CCDC91: variants seen among roughly 807,000 people sequenced by gnomAD.
CCDC91 encodes the protein coiled-coil domain containing 91.
In CCDC91, 48 loss-of-function variants were observed where a neutral mutation model predicts 63.2. The ratio of observed to expected loss-of-function variants is 0.76; its 90% CI spans 0.60 to 0.97. The LOEUF (loss-of-function observed/expected upper bound fraction) is 0.97, where lower values mean the gene tolerates loss of function less well. CCDC91 is among the 50% of genes least tolerant of loss of function. The pLI is 0.00. For synonymous variants in CCDC91, 167 were observed against 165.8 expected, an observed-to-expected ratio of 1.01 and a Z score of -0.06; for missense variants, 500 against 494.6, an observed-to-expected ratio of 1.01 and a Z score of -0.10.
chr12:28,204,973 G>A (rs1042636627), intron 1 of CCDC91, among the ~76,000 whole-genome samples: 1 of 152,174 alleles, frequency 6.6e-6, no homozygotes, highest in Non-Finnish European at 1.5e-5. Flanking sequence ...TATTTACTCA[G>A]TAGAGGAACA....
intron 7 of CCDC91, among the ~76,000 whole-genome samples, chr12:28,371,095 A>AT (rs1298366563): frequency 6.6e-6 from 1 of 151,472 alleles, no homozygotes; most frequent in East Asian, 1.9e-4. Context: ...TATAAAGTCT[A>AT]TTTTTTTCTG....
intron 12 of CCDC91, among the ~76,000 whole-genome samples, chr12:28,511,406 T>G (rs1404407477): frequency 6.6e-6 from 1 of 151,878 alleles, no homozygotes; most frequent in Non-Finnish European, 1.5e-5. Context: ...TAACTGCATA[T>G]TATCCTCCCT....
At chr12:28,338,258 C>CTTTT (rs71039893) in intron 6 of CCDC91, among the ~76,000 whole-genome samples, 1 of 143,808 alleles carries the variant, frequency 7.0e-6, no homozygotes, top group Non-Finnish European at 1.5e-5. Flanking sequence ...CCTTATGGAT[C>CTTTT]TTTTTTTTTT....
chr12:28,476,171 T>C (rs1308191389), intron 11 of CCDC91, among the ~76,000 whole-genome samples: 1 of 152,108 alleles, frequency 6.6e-6, no homozygotes, highest in African/African-American at 2.4e-5. Flanking sequence ...TAAATATACA[T>C]TCTTCTCAGC....
At position 28,265,348 on chromosome 12, in the gene CCDC91, A is replaced by G. The variant is rs1396300497; in HGVS notation, c.109+5906A>G. Among the ~76,000 whole-genome samples, 7 of 152,154 alleles carry G rather than the reference A, an allele frequency of 4.6e-5. No individual in the cohort carries two copies. The East Asian group carries it at 1.3e-3, about 29-fold the overall frequency. On this transcript the variant is annotated intron_variant, in intron 3 of 12. Coordinates refer to ENST00000536442, the MANE Select transcript of CCDC91 (RefSeq NM_018318.5). Reference sequence around the variant, plus strand: ...AACAGCTTATATAGAGGGCAAACTAAACTGTCACAAGCTGACCCTTTAGAA... The same window carrying G: ...AACAGCTTATATAGAGGGCAAACTAGACTGTCACAAGCTGACCCTTTAGAA...
intron 6 of CCDC91, among the ~76,000 whole-genome samples, chr12:28,326,689 G>A (rs1349948402): frequency 1.3e-5 from 2 of 151,586 alleles, no homozygotes; most frequent in East Asian, 3.9e-4. Context: ...GCTATTTTCT[G>A]AGACAACGTT....
rs1943092208 is a variant in CCDC91 at position 28,209,615 on chromosome 12, G to A, written c.-15+18974G>A. ...CTGGCTCATTTTTGTATTTTTAGTA[G>A]AGACAGGGTTTCGTCATGTTGACCA... On this transcript the variant is annotated intron_variant, in intron 1 of 12. Transcript: ENST00000536442. Among the ~76,000 whole-genome samples the A allele has an allele frequency of 2.6e-5, 4 of 152,146 alleles. 1 individual carries two copies. In the South Asian group the frequency reaches 8.3e-4, roughly 32 times the overall value.
chr12:28,428,102 T>C (rs982504308), intron 8 of CCDC91, among the ~76,000 whole-genome samples: 2 of 152,174 alleles, frequency 1.3e-5, no homozygotes, highest in African/African-American at 4.8e-5. Flanking sequence ...CTTTTATTGA[T>C]ATAAGTACTT....
chr12:28,203,879 G>C (rs1942649896), intron 1 of CCDC91, among the ~76,000 whole-genome samples: 1 of 152,044 alleles, frequency 6.6e-6, no homozygotes, highest in East Asian at 1.9e-4. Context: ...TTGCCAAAAT[G>C]ATTATACTGA....
At chr12:28,535,963 A>G (rs550016423) in intron 12 of CCDC91, among the ~76,000 whole-genome samples, 144 of 151,982 alleles carry the variant, frequency 9.5e-4, no homozygotes, top group African/African-American at 3.4e-3. Context: ...CGGGAGGCGT[A>G]GCTTGCAGTC....
intron 12 of CCDC91, among the ~76,000 whole-genome samples, chr12:28,502,259 A>G (rs1312278251): frequency 6.6e-6 from 1 of 151,962 alleles, no homozygotes; most frequent in African/African-American, 2.4e-5. Context: ...TCAATGTACA[A>G]AAATCACAAG....
At chr12:28,214,031 A>G (rs2135555014) in intron 1 of CCDC91, among the ~76,000 whole-genome samples, 1 of 152,130 alleles carries the variant, frequency 6.6e-6, no homozygotes, top group East Asian at 1.9e-4. Context: ...GGCACCAGTC[A>G]TTATTATCTC....
intron 6 of CCDC91, among the ~76,000 whole-genome samples, chr12:28,317,477 T>C (rs1204855915): frequency 6.6e-6 from 1 of 152,020 alleles, no homozygotes; most frequent in Non-Finnish European, 1.5e-5. Flanking sequence ...AAGACCATGT[T>C]TTCTTTATTT....
intron 12 of CCDC91, among the ~76,000 whole-genome samples, chr12:28,522,075 T>C (rs549856794): frequency 3.3e-5 from 5 of 152,206 alleles, no homozygotes; most frequent in Admixed American, 6.5e-5. Flanking sequence ...ATCAGGATGA[T>C]GCTGGCCTCA....
At chr12:28,385,133 G>T (rs181241420) in intron 7 of CCDC91, among the ~76,000 whole-genome samples, 1 of 152,102 alleles carries the variant, frequency 6.6e-6, no homozygotes, top group Admixed American at 6.5e-5. Context: ...AGAAATAATA[G>T]AAATAAATTT....
At chr12:28,338,224 C>G (rs2169755) in intron 6 of CCDC91, among the ~76,000 whole-genome samples, 37,686 of 149,744 alleles carry the variant, frequency 0.25, 5,243 homozygotes, top group East Asian at 0.57. Context: ...TGAGTAGAGA[C>G]TATTAGCAAG....
chr12:28,315,191 G>A (rs1247680573), intron 6 of CCDC91, among the ~76,000 whole-genome samples: 2 of 151,542 alleles, frequency 1.3e-5, no homozygotes, highest in African/African-American at 2.4e-5. Flanking sequence ...TTGAGAAGGA[G>A]TTTCGCTCTT....
intron 12 of CCDC91, among the ~76,000 whole-genome samples, chr12:28,484,967 CAT>C (rs1255577271): frequency 6.6e-6 from 1 of 151,108 alleles, no homozygotes; most frequent in South Asian, 2.1e-4. Context: ...ATATTGCAAA[CAT>C]ATATTGCATT....
chr12:28,192,893 T>TAA (rs58298352), intron 1 of CCDC91, among the ~76,000 whole-genome samples: 41,881 of 152,056 alleles, frequency 0.28, 5,989 homozygotes, highest in Non-Finnish European at 0.31. Context: ...CCCATCATTC[T>TAA]AAAGTTTCCT....
Sources: gnomAD v4.1 joint callset for allele counts (sites outside exome capture counted in the v4.1 genomes callset) on GRCh38, gnomAD v4.1.1 for gene constraint, MANE v1.5 for transcripts, NCBI Gene and HGNC (gene_info 2026-07-23, HGNC 2026-07-21) for gene names.